SLC48A1: variants seen among roughly 807,000 people sequenced by gnomAD.
SLC48A1 encodes the protein heme transporter HRG1.
SLC48A1 carries 6 observed loss-of-function variants against 14.8 expected under a neutral mutation model. That is an observed-to-expected ratio of 0.41 (90% CI 0.22 to 0.80). The LOEUF (loss-of-function observed/expected upper bound fraction) is 0.80. Ranked by LOEUF, SLC48A1 falls within the 30% of genes least tolerant of loss-of-function variation. The pLI is 0.34. For missense variants in SLC48A1, 165 were observed against 204.8 expected, an observed-to-expected ratio of 0.81 and a Z score of 1.19; for synonymous variants, 89 against 90.0, an observed-to-expected ratio of 0.99 and a Z score of 0.06.
rs1021133607 is a variant in SLC48A1 at position 47,777,975 on chromosome 12, C to T, written c.137-1053C>T. Among the ~76,000 whole-genome samples the T allele has an allele frequency of 1.6e-4, 24 of 152,208 alleles. No individual in the cohort carries two copies. Among genetic ancestry groups the T allele is most frequent in the African/African-American group, 5.5e-4 (23 of 41,452 alleles). Reference sequence around the variant, plus strand: ...GTGCAGCTGCCTTTTGGAAAGGCCTCCTGACTCCTAGGATGCAGCGGCCTG... The same window carrying T: ...GTGCAGCTGCCTTTTGGAAAGGCCTTCTGACTCCTAGGATGCAGCGGCCTG... On this transcript the variant is annotated intron_variant, in intron 1 of 2. Transcript: ENST00000442218. The surrounding 1 kb of genome is among the most constrained non-coding windows in gnomAD (Gnocchi z 4.5).
upstream of SLC48A1, chr12:47,756,022 G>T (rs1205447464): frequency 6.6e-6 from 1 of 152,198 alleles, no homozygotes; most frequent in African/African-American, 2.4e-5. Context: ...GGGAGTGGCC[G>T]CCTGCCTCTA....
intron 2 of SLC48A1, 79 bp downstream of exon 2, chr12:47,779,274 C>G: frequency 6.8e-7 from 1 of 1,469,984 alleles, no homozygotes; most frequent in Admixed American, 2.3e-5. Flanking sequence ...CCTGGTTCCA[C>G]AGGTTACCTC....
upstream of SLC48A1, among the ~76,000 whole-genome samples, chr12:47,757,518 A>C (rs2136826852): frequency 6.6e-6 from 1 of 152,162 alleles, no homozygotes; most frequent in South Asian, 2.1e-4. Flanking sequence ...ACTCCAACCC[A>C]TTGACCCGGC....
exon 1 of SLC48A1, chr12:47,758,622 C>T: frequency 1.9e-6 from 3 of 1,608,228 alleles, no homozygotes; most frequent in East Asian, 2.2e-5. Context: ...CCAGCGACCC[C>T]CATCAGCTTT....
chr12:47,779,638 G>A (rs775216691), intron 2 of SLC48A1, among the ~76,000 whole-genome samples: 4 of 152,194 alleles, frequency 2.6e-5, no homozygotes, highest in African/African-American at 7.2e-5. Context: ...TAATCCCCAC[G>A]GCCTCCTGCC....
Position 47,773,972 on chromosome 12 carries a change from G to A in SLC48A1, c.136+532G>A, listed in dbSNP as rs560369174. ...GAAGCCCATCTCCCTCCTTCCAGAG[G>A]GCTCCCCCGCAGAGCCCTCTGCTGA... is the stretch of plus-strand genomic sequence containing the variant. On this transcript the variant is annotated intron_variant, in intron 1 of 2. Transcript: ENST00000442218. Among the ~76,000 whole-genome samples the A allele has an allele frequency of 3.3e-5, 5 of 152,368 alleles. No homozygotes were observed. In the East Asian group the frequency reaches 9.6e-4, roughly 29 times the overall value.
intron 2 of SLC48A1, among the ~76,000 whole-genome samples, chr12:47,765,403 C>T (rs1009992084): frequency 6.6e-6 from 1 of 152,242 alleles, no homozygotes; most frequent in Non-Finnish European, 1.5e-5. Flanking sequence ...CTCAGCCCCT[C>T]CTGCTTTAGC....
chr12:47,780,252 G>A lies in SLC48A1; in HGVS notation c.412G>A (p.Ala138Thr), dbSNP rs1192991569. Residue 138 changes from alanine (A) to threonine (T), a missense_variant, in exon 3 of 3, where the codon GCT becomes ACT. Ala to Thr is a moderately conservative substitution (Grantham distance 58). Coordinates refer to ENST00000442218, the MANE Select transcript of SLC48A1 (RefSeq NM_017842.3). ...LYAHRYRADF[A>T]DISILSDF Reference sequence around the variant, plus strand: ...TGCCCACCGCTACCGGGCTGACTTTGCTGACATCAGCATCCTCAGCGATTT... The same window carrying A: ...TGCCCACCGCTACCGGGCTGACTTTACTGACATCAGCATCCTCAGCGATTT... 1 of 1,614,250 alleles carries A rather than the reference G, an allele frequency of 6.2e-7. No individual in the cohort carries two copies. The highest frequency in any genetic ancestry group is 8.5e-7 in the Non-Finnish European group (1 of 1,180,048).
upstream of SLC48A1, chr12:47,758,222 G>A: frequency 7.0e-7 from 1 of 1,437,068 alleles, no homozygotes; most frequent in Non-Finnish European, 9.1e-7. Context: ...AGGAGCTGGG[G>A]GGAGGAACAG....
At chr12:47,779,870 C>A (rs1001952694) in intron 2 of SLC48A1, among the ~76,000 whole-genome samples, 1 of 152,248 alleles carries the variant, frequency 6.6e-6, no homozygotes, top group Non-Finnish European at 1.5e-5. Flanking sequence ...CCCTGATGAT[C>A]TAATGTTTGA....
upstream of SLC48A1, chr12:47,757,956 C>G (rs867860155): frequency 1.3e-6 from 2 of 1,560,898 alleles, no homozygotes; most frequent in Non-Finnish European, 1.7e-6. Flanking sequence ...TTCTCAACAC[C>G]ATGTTGAGTA....
chr12:47,773,717 T>G (rs865974425), intron 1 of SLC48A1, among the ~76,000 whole-genome samples: 43 of 152,290 alleles, frequency 2.8e-4, no homozygotes, highest in Middle Eastern at 6.8e-3. Flanking sequence ...CCGGGTTATC[T>G]GTCACGGCAC....
In SLC48A1 at chr12:47,765,501, C is replaced by T. The variant is rs77776772; in HGVS notation, c.-187+5100C>T. Among the ~76,000 whole-genome samples the T allele has an allele frequency of 4.6e-3, 699 of 152,366 alleles. 7 individuals carry two copies. Among genetic ancestry groups the T allele is most frequent in the African/African-American group, 0.016 (670 of 41,580 alleles). ...ACTGCAGGGCTGGACCGAATCCTGA[C>T]TTAATCTCCCCAACTGCTTCAGTTC... On this transcript the variant is annotated intron_variant, in intron 2 of 4. Transcript: ENST00000547002.
chr12:47,773,842 G>C (rs989808881), intron 1 of SLC48A1, among the ~76,000 whole-genome samples: 2 of 152,104 alleles, frequency 1.3e-5, no homozygotes, highest in African/African-American at 4.8e-5. Context: ...ACACACACAC[G>C]GTTGTTCTGA....
upstream of SLC48A1, chr12:47,758,105 G>A: frequency 6.5e-7 from 1 of 1,546,872 alleles, no homozygotes. Context: ...AAAGTGGACA[G>A]CCATGGGACA....
upstream of SLC48A1, among the ~76,000 whole-genome samples, chr12:47,767,068 G>A (rs755396869): frequency 6.6e-6 from 1 of 152,172 alleles, no homozygotes; most frequent in South Asian, 2.1e-4. Flanking sequence ...GGAGGAAGGC[G>A]AAGCTGCAGG....
At chr12:47,754,634 A>G (rs1941947487), upstream of SLC48A1, among the ~76,000 whole-genome samples, 1 of 152,214 alleles carries the variant, frequency 6.6e-6, no homozygotes, top group South Asian at 2.1e-4. Flanking sequence ...AGTTAATAAT[A>G]TAAAGTACTT....
chr12:47,780,884 C>A lies in SLC48A1; in HGVS notation c.*603C>A, dbSNP rs1269059616. On this transcript the variant is annotated 3_prime_UTR_variant, in exon 3 of 3. Coordinates refer to ENST00000442218, the MANE Select transcript of SLC48A1 (RefSeq NM_017842.3). Reference sequence around the variant, plus strand: ...GCCCGGCCTGGATCTGTTTTCTTAGCACGCAGTGAGGAATCTTTGTACTTA... The same window carrying A: ...GCCCGGCCTGGATCTGTTTTCTTAGAACGCAGTGAGGAATCTTTGTACTTA... 7.5e-6 allele frequency: 4 copies of A among 532,608 alleles called. No individual in the cohort carries two copies. The Admixed American group carries it at 7.8e-5, about 10-fold the overall frequency. The allele number at this position is 532,608 out of a possible 1,614,324, so 33.0% of individuals were successfully genotyped here.
At chr12:47,768,463 T>A (rs889676960), upstream of SLC48A1, 2 of 152,240 alleles carry the variant, frequency 1.3e-5, no homozygotes, top group Non-Finnish European at 2.9e-5. Context: ...TATTTTGTAA[T>A]GAATTTGTTG....
Sources: gnomAD v4.1 joint callset for allele counts (sites outside exome capture counted in the v4.1 genomes callset) on GRCh38, gnomAD v4.1.1 for gene constraint, Gnocchi (gnomAD v3.1) non-coding constraint, MANE v1.5 for transcripts, NCBI Gene and HGNC (gene_info 2026-07-23, HGNC 2026-07-21) for gene names.